GLIS3: variants seen among roughly 807,000 people sequenced by gnomAD.
The protein encoded by GLIS3 is GLIS family zinc finger 3, also known as zinc finger protein GLIS3.
GLIS3 carries 53 observed loss-of-function variants against 78.6 expected under a neutral mutation model. That is an observed-to-expected ratio of 0.67 (90% confidence interval 0.54 to 0.85). The LOEUF is 0.85. Ranked by LOEUF, GLIS3 falls within the 40% of genes least tolerant of loss-of-function variation. The pLI, the probability that GLIS3 is intolerant of heterozygous loss-of-function variation, is 0.00. For missense variants in GLIS3, 1,703 were observed against 1,231.1 expected (o/e 1.38, Z -5.74); for synonymous variants, 684 against 509.9 (o/e 1.34, Z -4.60).
intron 6 of GLIS3, among the ~76,000 whole-genome samples, chr9:3,918,523 GGACTTA>G (rs1478039366): frequency 6.6e-6 from 1 of 152,158 alleles, no homozygotes; most frequent in Non-Finnish European, 1.5e-5. Context: ...ATGGGAACTA[GGACTTA>G]AACAACTGGC....
intron 2 of GLIS3, among the ~76,000 whole-genome samples, chr9:4,319,839 T>G (rs1014339945): frequency 1.3e-5 from 2 of 152,186 alleles, no homozygotes; most frequent in Admixed American, 6.5e-5. Context: ...AATAACGTTA[T>G]TGAAATATAC....
At chr9:3,926,152 A>C (rs1825211198) in intron 6 of GLIS3, among the ~76,000 whole-genome samples, 1 of 152,096 alleles carries the variant, frequency 6.6e-6, no homozygotes, top group Non-Finnish European at 1.5e-5. Flanking sequence ...CTATTGCTAT[A>C]GTTTAGTAGT....
intron 2 of GLIS3, among the ~76,000 whole-genome samples, chr9:4,212,665 G>A (rs959139890): frequency 6.6e-6 from 1 of 152,298 alleles, no homozygotes; most frequent in East Asian, 1.9e-4. Flanking sequence ...ACAAGGATGA[G>A]GCCAAAGGAA....
the GLIS3 span, among the ~76,000 whole-genome samples, chr9:4,358,043 A>T: frequency 1.3e-5 from 2 of 152,224 alleles, no homozygotes; most frequent in African/African-American, 2.4e-5. Flanking sequence ...ATAAGAACAG[A>T]TGCCCAAGAT....
the GLIS3 span, among the ~76,000 whole-genome samples, chr9:4,446,515 T>A: frequency 6.7e-6 from 1 of 148,304 alleles, no homozygotes; most frequent in Admixed American, 6.7e-5. Flanking sequence ...TTTTTTTTTT[T>A]TTTTTTTTTT....
chr9:4,199,709 G>A (rs557188981), intron 2 of GLIS3, among the ~76,000 whole-genome samples: 5 of 152,138 alleles, frequency 3.3e-5, no homozygotes, highest in Admixed American at 2.6e-4. Flanking sequence ...TAATAATAGT[G>A]GGGGACTTCA....
chr9:4,423,978 T>A, the GLIS3 span, among the ~76,000 whole-genome samples: 1 of 152,208 alleles, frequency 6.6e-6, no homozygotes, highest in Non-Finnish European at 1.5e-5. Context: ...AAAGAAAATA[T>A]AAATTCCATC....
At chr9:4,121,813 A>C (rs186286576) in intron 3 of GLIS3, among the ~76,000 whole-genome samples, 43 of 152,346 alleles carry the variant, frequency 2.8e-4, no homozygotes, top group African/African-American at 9.4e-4. Context: ...TAACAGGCTT[A>C]AAGTCACACA....
chr9:4,176,932 C>T (rs986166898), intron 2 of GLIS3, among the ~76,000 whole-genome samples: 1 of 152,168 alleles, frequency 6.6e-6, no homozygotes, highest in Non-Finnish European at 1.5e-5. Flanking sequence ...CCTCTTTTAC[C>T]GTATTTCAAA....
chr9:4,334,601 G>C (rs1817727164), intron 2 of GLIS3, among the ~76,000 whole-genome samples: 1 of 152,218 alleles, frequency 6.6e-6, no homozygotes, highest in Non-Finnish European at 1.5e-5. Flanking sequence ...GGTTACCTAG[G>C]TGAACGCCAA....
chr9:4,485,222 C>T, the GLIS3 span, among the ~76,000 whole-genome samples: 2 of 152,066 alleles, frequency 1.3e-5, no homozygotes, highest in Non-Finnish European at 2.9e-5. Context: ...ACCATGTTGG[C>T]CAGGCTGTTC....
chr9:3,855,339 A>G (rs1270320189), intron 9 of GLIS3: 1 of 153,706 alleles, frequency 6.5e-6, no homozygotes, highest in African/African-American at 2.4e-5. Context: ...CCTAACAAGT[A>G]TCTGTCTCTT....
chr9:4,045,411 C>G (rs1390033230), intron 4 of GLIS3, among the ~76,000 whole-genome samples: 1 of 152,084 alleles, frequency 6.6e-6, no homozygotes, highest in Admixed American at 6.5e-5. Context: ...TCTCGGCTCA[C>G]TGCATCCTCC....
At chr9:4,183,845 C>G (rs1257734657) in intron 2 of GLIS3, among the ~76,000 whole-genome samples, 2 of 152,168 alleles carry the variant, frequency 1.3e-5, no homozygotes, top group Admixed American at 1.3e-4. Context: ...GTCTGACTTT[C>G]AATTAGCCTT....
At chr9:4,199,411 C>G (rs1021652070) in intron 2 of GLIS3, among the ~76,000 whole-genome samples, 11 of 151,208 alleles carry the variant, frequency 7.3e-5, no homozygotes, top group African/African-American at 2.7e-4. Flanking sequence ...AGGTAACTAT[C>G]CTTATATCAT....
the GLIS3 span, among the ~76,000 whole-genome samples, chr9:4,374,818 T>C: frequency 2.0e-5 from 3 of 152,272 alleles, no homozygotes; most frequent in Admixed American, 1.3e-4. Flanking sequence ...ACTTATTTAT[T>C]GCACGCATCT....
the GLIS3 span, among the ~76,000 whole-genome samples, chr9:4,369,822 G>T: frequency 1.3e-5 from 2 of 151,926 alleles, no homozygotes; most frequent in Admixed American, 1.3e-4. Context: ...CTATGTTCAT[G>T]GCCAAAAAAA....
At chr9:4,015,059 G>C (rs1032656590) in intron 4 of GLIS3, among the ~76,000 whole-genome samples, 23 of 152,214 alleles carry the variant, frequency 1.5e-4, no homozygotes, top group African/African-American at 5.6e-4. Context: ...TGCTAGTAAA[G>C]TGAAAGCTAT....
rs147049411 is a variant in GLIS3, at chr9:4,173,742, A to G, written c.389-47801T>C. The stretch of plus-strand genomic sequence containing the variant: ...CTCCGGAGTAGCTGGAACTACAGGC[A>G]TGTGCCACCATGCCCAGTAAGATTT... On this transcript the variant is annotated intron_variant, in intron 2 of 10. Transcript: ENST00000381971. Among the ~76,000 whole-genome samples the G allele has an allele frequency of 1.0e-3, 155 of 152,276 alleles. 2 individuals are homozygous for G. The East Asian group carries it at 0.027, about 26-fold the overall frequency.
Sources: allele counts gnomAD v4.1 joint callset (sites outside exome capture counted in the v4.1 genomes callset), GRCh38; gene constraint gnomAD v4.1.1; transcripts MANE v1.5; gene names NCBI Gene and HGNC (gene_info 2026-07-23, HGNC 2026-07-21).